Variants in CA10 observed in about 807,000 individuals in gnomAD.
CA10 encodes the protein carbonic anhydrase 10 (inactive), also known as carbonic anhydrase-related protein 10.
A neutral mutation model predicts 44.2 loss-of-function variants in CA10; 14 were observed. The observed-to-expected ratio is 0.32, with a 90% CI of 0.21 to 0.50. The LOEUF is 0.50. CA10 is among the 20% of genes least tolerant of loss of function. The probability of loss-of-function intolerance (pLI) is 0.99; values close to 1 mark genes in which losing one functional copy is unlikely to be tolerated. For synonymous variants in CA10, 159 were observed against 141.6 expected (o/e 1.12, Z -0.87); for missense variants, 350 against 409.7 (o/e 0.85, Z 1.26).
rs1225159040 is a variant in CA10, at chr17:51,810,604, A to C, written c.280-62786T>G. ...TTGCCTAAAGATGCAGCTCAAGAAG[A>C]AGCCCCGGAAGCTTCCATTTTATTT... On this transcript the variant is annotated intron_variant, in intron 3 of 8. Transcript: ENST00000451037. Among the ~76,000 whole-genome samples the C allele has an allele frequency of 2.6e-5, 4 of 152,186 alleles. No homozygotes were observed. The East Asian group carries it at 5.8e-4, about 22-fold the overall frequency.
chr17:51,827,017 C>G (rs991389731), intron 3 of CA10, among the ~76,000 whole-genome samples: 3 of 152,128 alleles, frequency 2.0e-5, no homozygotes, highest in African/African-American at 4.8e-5. Context: ...CTACTGGGAC[C>G]CTCATGATTC....
chr17:51,999,931 G>T (rs1381678830), intron 2 of CA10, among the ~76,000 whole-genome samples: 1 of 151,898 alleles, frequency 6.6e-6, no homozygotes, highest in Non-Finnish European at 1.5e-5. Flanking sequence ...TCTGCTTCTC[G>T]GATCAAACTC....
At chr17:51,861,538 T>C (rs1029703131) in intron 3 of CA10, among the ~76,000 whole-genome samples, 2 of 143,098 alleles carry the variant, frequency 1.4e-5, no homozygotes, top group African/African-American at 5.8e-5. Flanking sequence ...CTATTGCAGA[T>C]GTGTGTTTTT....
intron 4 of CA10, among the ~76,000 whole-genome samples, chr17:51,680,581 G>A (rs1205704211): frequency 6.6e-6 from 1 of 152,210 alleles, no homozygotes; most frequent in Non-Finnish European, 1.5e-5. Flanking sequence ...GTTCCCCAGG[G>A]AGTGTTTGGA....
intron 1 of CA10, among the ~76,000 whole-genome samples, chr17:52,073,083 T>C (rs1344339495): frequency 6.6e-6 from 1 of 152,194 alleles, no homozygotes; most frequent in Non-Finnish European, 1.5e-5. Flanking sequence ...AAAGTATACA[T>C]GATACATAAA....
At chr17:51,826,447 G>A (rs914685602) in intron 3 of CA10, among the ~76,000 whole-genome samples, 1 of 152,174 alleles carries the variant, frequency 6.6e-6, no homozygotes, top group Non-Finnish European at 1.5e-5. Context: ...GGGCTGTTGT[G>A]ACAGCAAATG....
intron 2 of CA10, among the ~76,000 whole-genome samples, chr17:51,951,748 G>A (rs1315968010): frequency 1.3e-5 from 2 of 152,128 alleles, no homozygotes; most frequent in East Asian, 1.9e-4. Context: ...AACTGCAGAT[G>A]TACTCTAAGA....
intron 2 of CA10, among the ~76,000 whole-genome samples, chr17:52,065,670 T>A (rs903515769): frequency 6.6e-6 from 1 of 152,182 alleles, no homozygotes; most frequent in African/African-American, 2.4e-5. Context: ...TCCTTTCAGG[T>A]AAAATCCAAA....
intron 3 of CA10, among the ~76,000 whole-genome samples, chr17:51,833,010 C>A (rs1313840976): frequency 1.3e-5 from 2 of 152,142 alleles, no homozygotes; most frequent in African/African-American, 4.8e-5. Context: ...GAGCTACAGG[C>A]AGGTCAGCAC....
chr17:52,154,296 G>A (rs549010634), intron 1 of CA10, among the ~76,000 whole-genome samples: 1 of 152,092 alleles, frequency 6.6e-6, no homozygotes, highest in Admixed American at 6.5e-5. Context: ...GTGGGCTTTG[G>A]TTGCTATATC....
chr17:51,995,159 G>A (rs761437543), intron 2 of CA10, among the ~76,000 whole-genome samples: 4 of 151,944 alleles, frequency 2.6e-5, no homozygotes, highest in Non-Finnish European at 5.9e-5. Flanking sequence ...GATACACAAA[G>A]TTATCACAGA....
rs556926371 is a variant in CA10 at position 51,815,964 on chromosome 17, A to T, written c.280-68146T>A. 1.5e-4 allele frequency among the ~76,000 whole-genome samples: 23 copies of T among 152,240 alleles called. 1 individual carries two copies. In the South Asian group the frequency reaches 4.6e-3, roughly 30 times the overall value. ...CTCTTGTAGTTATTTTAATGTATACAATTAAATTTTTATTGACCAAAGTTA... is the reference window on the plus strand; with the variant it reads ...CTCTTGTAGTTATTTTAATGTATACTATTAAATTTTTATTGACCAAAGTTA... On this transcript the variant is annotated intron_variant, in intron 3 of 8. Coordinates refer to ENST00000451037, the MANE Select transcript of CA10 (RefSeq NM_020178.5).
At chr17:51,998,977 A>G (rs543610118) in intron 2 of CA10, among the ~76,000 whole-genome samples, 1 of 152,182 alleles carries the variant, frequency 6.6e-6, no homozygotes, top group South Asian at 2.1e-4. Flanking sequence ...CCAACTTGTA[A>G]TGGGAATTAA....
chr17:51,660,450 T>A (rs1356511701), intron 4 of CA10, among the ~76,000 whole-genome samples: 1 of 152,228 alleles, frequency 6.6e-6, no homozygotes, highest in African/African-American at 2.4e-5. Flanking sequence ...CAAGCAGGCT[T>A]CCAAGTTGAC....
chr17:51,942,337 A>G (rs1217916430), intron 2 of CA10, among the ~76,000 whole-genome samples: 1 of 152,024 alleles, frequency 6.6e-6, no homozygotes, highest in Non-Finnish European at 1.5e-5. Context: ...GAAACCACAT[A>G]TATAATCCGT....
intron 2 of CA10, among the ~76,000 whole-genome samples, chr17:52,050,661 C>G (rs1201304361): frequency 6.6e-6 from 1 of 152,006 alleles, no homozygotes; most frequent in Middle Eastern, 3.2e-3. Flanking sequence ...CAAGCTCTTT[C>G]TCACTTCAAG....
At chr17:51,923,622 G>A (rs1982315899) in intron 3 of CA10, among the ~76,000 whole-genome samples, 1 of 152,020 alleles carries the variant, frequency 6.6e-6, no homozygotes, top group South Asian at 2.1e-4. Context: ...TGCCGTGAAT[G>A]GCAATGATTA....
intron 4 of CA10, among the ~76,000 whole-genome samples, chr17:51,724,811 T>A (rs1916461596): frequency 6.6e-6 from 1 of 152,126 alleles, no homozygotes; most frequent in South Asian, 2.1e-4. Context: ...TCCATGCAAT[T>A]CCCCTCTTAA....
At chr17:52,153,421 T>C (rs138436686) in intron 1 of CA10, among the ~76,000 whole-genome samples, 1 of 152,232 alleles carries the variant, frequency 6.6e-6, no homozygotes, top group Non-Finnish European at 1.5e-5. Context: ...TATACTGCAT[T>C]GTAATATACA....
Sources: allele counts gnomAD v4.1 joint callset (sites outside exome capture counted in the v4.1 genomes callset), GRCh38; gene constraint gnomAD v4.1.1; transcripts MANE v1.5; gene names NCBI Gene and HGNC (gene_info 2026-07-23, HGNC 2026-07-21).